FBXW7: variants seen among roughly 807,000 people sequenced by gnomAD.
The protein encoded by FBXW7 is F-box and WD repeat domain containing 7.
In FBXW7, 11 loss-of-function variants were observed where a neutral mutation model predicts 86.3. That is an observed-to-expected ratio of 0.13 (90% CI 0.08 to 0.21). FBXW7 has a LOEUF of 0.21. Ranked by LOEUF, FBXW7 falls within the 10% of genes least tolerant of loss-of-function variation. The probability of loss-of-function intolerance (pLI) is 1.00; values close to 1 mark genes in which losing one functional copy is unlikely to be tolerated. For missense variants in FBXW7, 488 were observed against 847.4 expected, an observed-to-expected ratio of 0.58 and a Z score of 5.27; for synonymous variants, 313 against 297.9, an observed-to-expected ratio of 1.05 and a Z score of -0.52.
chr4:152,524,432 G>A (rs573232120), intron 2 of FBXW7, among the ~76,000 whole-genome samples: 1 of 152,236 alleles, frequency 6.6e-6, no homozygotes, highest in South Asian at 2.1e-4. Flanking sequence ...TAGCAGGTAT[G>A]GTGGAAATTT....
chr4:152,378,150 T>TCC (rs1734726953), intron 4 of FBXW7, among the ~76,000 whole-genome samples: 1 of 152,188 alleles, frequency 6.6e-6, no homozygotes, highest in Non-Finnish European at 1.5e-5. Context: ...AGAAAAAGCA[T>TCC]GTGGACTCCT....
intron 2 of FBXW7, among the ~76,000 whole-genome samples, chr4:152,415,789 G>A (rs1272046268): frequency 6.6e-6 from 1 of 151,924 alleles, no homozygotes; most frequent in Non-Finnish European, 1.5e-5. Context: ...CTTTCTTGAG[G>A]GGTAAAGTGT....
At chr4:152,521,395 T>C (rs570093823) in intron 2 of FBXW7, among the ~76,000 whole-genome samples, 1 of 152,132 alleles carries the variant, frequency 6.6e-6, no homozygotes, top group East Asian at 1.9e-4. Context: ...TAGAGACAAA[T>C]ATACATGAAA....
intron 2 of FBXW7, among the ~76,000 whole-genome samples, chr4:152,446,105 T>C (rs2406375): frequency 0.38 from 58,019 of 151,788 alleles, 11,893 homozygotes; most frequent in African/African-American, 0.53. Context: ...AAAACGTGTT[T>C]ACTAAAAAAT....
At chr4:152,488,984 T>C (rs1164574311) in intron 2 of FBXW7, among the ~76,000 whole-genome samples, 1 of 152,068 alleles carries the variant, frequency 6.6e-6, no homozygotes, top group East Asian at 1.9e-4. Context: ...TATTAACTAC[T>C]AAATATAATA....
chr4:152,367,523 T>A (rs1733603574), intron 4 of FBXW7, among the ~76,000 whole-genome samples: 1 of 152,106 alleles, frequency 6.6e-6, no homozygotes, highest in African/African-American at 2.4e-5. Context: ...TAAAATACTC[T>A]AATAAAAATG....
chr4:152,455,822 T>C (rs996783903), intron 2 of FBXW7, among the ~76,000 whole-genome samples: 1 of 152,194 alleles, frequency 6.6e-6, no homozygotes, highest in African/African-American at 2.4e-5. Context: ...TCTTCTGCCC[T>C]GATTGGTTTT....
intron 2 of FBXW7, among the ~76,000 whole-genome samples, chr4:152,510,787 C>T (rs193261692): frequency 6.6e-6 from 1 of 152,244 alleles, no homozygotes; most frequent in East Asian, 1.9e-4. Context: ...CGACATCCTT[C>T]GATATTACCT....
At chr4:152,407,069 C>T (rs1737484142) in intron 4 of FBXW7, among the ~76,000 whole-genome samples, 1 of 152,108 alleles carries the variant, frequency 6.6e-6, no homozygotes, top group African/African-American at 2.4e-5. Flanking sequence ...GAGAGGTAGG[C>T]ATGAGTCTTT....
At position 152,501,364 on chromosome 4, in the gene FBXW7, TC is replaced by T. The variant is rs747026799; in HGVS notation, c.-120+33576del. ...AGTTTTCAGACATCTCCTTATATTC[TC>T]ATATCATGAGATCAAGACAGAATGA... On this transcript the variant is annotated intron_variant, in intron 2 of 13. Coordinates refer to ENST00000281708, the MANE Select transcript of FBXW7 (RefSeq NM_001349798.2). 1.4e-4 allele frequency among the ~76,000 whole-genome samples: 22 copies of T among 152,294 alleles called. No individual in the cohort carries two copies. In the South Asian group the frequency reaches 4.4e-3, roughly 30 times the overall value.
At chr4:152,422,966 C>T (rs1220792068) in intron 2 of FBXW7, among the ~76,000 whole-genome samples, 2 of 152,108 alleles carry the variant, frequency 1.3e-5, no homozygotes, top group African/African-American at 4.8e-5. Flanking sequence ...TTTGATCTGA[C>T]TTTTCGTAGT....
intron 4 of FBXW7, among the ~76,000 whole-genome samples, chr4:152,358,144 T>C (rs534804153): frequency 6.6e-5 from 10 of 152,188 alleles, no homozygotes; most frequent in Non-Finnish European, 1.0e-4. Flanking sequence ...GAATTTCTTA[T>C]AGTAATACCT....
chr4:152,405,592 T>C (rs1010444956), intron 4 of FBXW7, among the ~76,000 whole-genome samples: 2 of 152,232 alleles, frequency 1.3e-5, no homozygotes, highest in Admixed American at 6.5e-5. Context: ...ATCCAATTAT[T>C]CATACTGCCA....
At chr4:152,405,231 A>G (rs1350866895) in intron 4 of FBXW7, among the ~76,000 whole-genome samples, 1 of 152,148 alleles carries the variant, frequency 6.6e-6, no homozygotes, top group Non-Finnish European at 1.5e-5. Flanking sequence ...GTGAAGAATT[A>G]TATGTCAACT....
intron 2 of FBXW7, among the ~76,000 whole-genome samples, chr4:152,527,655 CCAGCTACT>C (rs1283463004): frequency 6.6e-6 from 1 of 151,724 alleles, no homozygotes; most frequent in Non-Finnish European, 1.5e-5. Flanking sequence ...ACCTATAGTC[CCAGCTACT>C]CAGCTACTCA....
intron 2 of FBXW7, among the ~76,000 whole-genome samples, chr4:152,482,570 C>T (rs1379831058): frequency 6.6e-6 from 1 of 152,084 alleles, no homozygotes; most frequent in Non-Finnish European, 1.5e-5. Context: ...CTGGGATCAT[C>T]TATTTTTCTA....
chr4:152,482,927 G>C (rs1745010773), intron 2 of FBXW7, among the ~76,000 whole-genome samples: 2 of 152,088 alleles, frequency 1.3e-5, no homozygotes, highest in Admixed American at 1.3e-4. Context: ...CTAAGTAAAT[G>C]AGATCATACT....
At chr4:152,368,381 T>C (rs1733693176) in intron 4 of FBXW7, among the ~76,000 whole-genome samples, 3 of 152,074 alleles carry the variant, frequency 2.0e-5, no homozygotes, top group Non-Finnish European at 2.9e-5. Context: ...TTTACTTCTA[T>C]GTGTGTGGGA....
At chr4:152,433,076 T>A (rs1056184108) in intron 2 of FBXW7, among the ~76,000 whole-genome samples, 1 of 152,250 alleles carries the variant, frequency 6.6e-6, no homozygotes, top group Non-Finnish European at 1.5e-5. Context: ...TTCTTTTCTG[T>A]CCCTGTGTAC....
Sources: gnomAD v4.1 joint callset for allele counts (sites outside exome capture counted in the v4.1 genomes callset) on GRCh38, gnomAD v4.1.1 for gene constraint, MANE v1.5 for transcripts, NCBI Gene and HGNC (gene_info 2026-07-23, HGNC 2026-07-21) for gene names.